PKNOX2: variants seen among roughly 807,000 people sequenced by gnomAD.
The protein encoded by PKNOX2 is PBX/knotted 1 homeobox 2.
A neutral mutation model predicts 53.1 loss-of-function variants in PKNOX2; 14 were observed. That is an observed-to-expected ratio of 0.26 (90% CI 0.17 to 0.41). The LOEUF (loss-of-function observed/expected upper bound fraction) is 0.41. Among genes scored for constraint, PKNOX2 ranks in the 10% least tolerant of loss-of-function variants. PKNOX2 has a pLI of 1.00. For missense variants in PKNOX2, 496 were observed against 602.8 expected, an observed-to-expected ratio of 0.82 and a Z score of 1.85; for synonymous variants, 257 against 242.8, an observed-to-expected ratio of 1.06 and a Z score of -0.54.
chr11:125,233,745 C>T (rs1295551591), intron 1 of PKNOX2, among the ~76,000 whole-genome samples: 1 of 152,242 alleles, frequency 6.6e-6, no homozygotes, highest in African/African-American at 2.4e-5. Flanking sequence ...CATCTCACTA[C>T]ACCCCATGCC....
At chr11:125,246,733 T>A (rs1004137970) in intron 2 of PKNOX2, among the ~76,000 whole-genome samples, 2 of 152,202 alleles carry the variant, frequency 1.3e-5, no homozygotes, top group Admixed American at 1.3e-4. Context: ...TGACCCTAGA[T>A]GGGGACTCAA....
At chr11:125,406,597 T>C (rs1019104559) in intron 7 of PKNOX2, among the ~76,000 whole-genome samples, 1 of 152,184 alleles carries the variant, frequency 6.6e-6, no homozygotes, top group Non-Finnish European at 1.5e-5. Flanking sequence ...CATTGGAGCC[T>C]GTCTGACCCC....
chr11:125,333,504 T>A (rs769633175), intron 3 of PKNOX2, among the ~76,000 whole-genome samples: 3 of 151,666 alleles, frequency 2.0e-5, no homozygotes, highest in Non-Finnish European at 4.4e-5. Context: ...ACCTCAAATA[T>A]CACCCCTGAC....
intron 1 of PKNOX2, among the ~76,000 whole-genome samples, chr11:125,174,178 C>T (rs12280086): frequency 1.7e-3 from 258 of 152,238 alleles, no homozygotes; most frequent in African/African-American, 6.0e-3. Context: ...GGGAGACAGA[C>T]GCCCAGAGAG....
rs1172216623 is a variant in PKNOX2 at position 125,166,316 on chromosome 11, A to G, written c.-201+1540A>G. Among the ~76,000 whole-genome samples the G allele has an allele frequency of 2.0e-5, 3 of 152,130 alleles. No individual in the cohort carries two copies. The highest frequency in any genetic ancestry group is 4.4e-5 in the Non-Finnish European group (3 of 68,016). On this transcript the variant is annotated intron_variant, in intron 1 of 12. Transcript: ENST00000298282. The surrounding 1 kb of genome is among the most constrained non-coding windows in gnomAD (Gnocchi z 4.0). ...GAAAAAGCGTTTAGGTAGGCGATGAAAGTAGTTGATCTGAGCCATGGCAGG... is the reference window on the plus strand; with the variant it reads ...GAAAAAGCGTTTAGGTAGGCGATGAGAGTAGTTGATCTGAGCCATGGCAGG...
At chr11:125,360,806 C>T (rs573418962) in intron 4 of PKNOX2, among the ~76,000 whole-genome samples, 32 of 152,316 alleles carry the variant, frequency 2.1e-4, no homozygotes, top group African/African-American at 7.5e-4. Context: ...AGCTACTTTG[C>T]ATATAATTGT....
rs143501987 is a variant in PKNOX2 at position 125,215,388 on chromosome 11, A to G, written c.-200-19657A>G. Among the ~76,000 whole-genome samples, 1,517 of 152,068 alleles carry G rather than the reference A, an allele frequency of 1.0e-2. 32 individuals are homozygous for G. Among genetic ancestry groups the G allele is most frequent in the African/African-American group, 0.034 (1,429 of 41,484 alleles). On this transcript the variant is annotated intron_variant, in intron 1 of 12. Transcript: ENST00000298282. ...GATCCCTTCGTGCCTTACTTTTCTC[A>G]CCTGTAAAACGAGCATAACTTGCCC...
At chr11:125,250,630 A>G (rs918118778) in intron 2 of PKNOX2, among the ~76,000 whole-genome samples, 4 of 152,210 alleles carry the variant, frequency 2.6e-5, no homozygotes, top group African/African-American at 9.6e-5. Flanking sequence ...TTTTATATCG[A>G]GGGTGTCTAG....
chr11:125,391,951 T>C (rs1276968061), intron 6 of PKNOX2, among the ~76,000 whole-genome samples: 1 of 152,214 alleles, frequency 6.6e-6, no homozygotes, highest in Non-Finnish European at 1.5e-5. Context: ...AAAAATAGTT[T>C]AATAAATCAG....
chr11:125,293,660 C>T (rs1373294641), intron 2 of PKNOX2, among the ~76,000 whole-genome samples: 1 of 152,160 alleles, frequency 6.6e-6, no homozygotes, highest in Non-Finnish European at 1.5e-5. Flanking sequence ...TCTTTAAACT[C>T]AGGGAAGAAT....
chr11:125,303,766 A>T lies in PKNOX2; in HGVS notation c.-129-28053A>T, dbSNP rs80294853. ...AGAGGGACAGGCACTAGAAAGTGAC[A>T]TAAAAAAAGAGGGCACTCCCCCTTA... On this transcript the variant is annotated intron_variant, in intron 2 of 12. Transcript: ENST00000298282. Among the ~76,000 whole-genome samples, 161 of 152,342 alleles carry T rather than the reference A, an allele frequency of 1.1e-3. 1 individual carries two copies. Among genetic ancestry groups the T allele is most frequent in the African/African-American group, 3.7e-3 (154 of 41,582 alleles).
chr11:125,250,214 C>G (rs1943892787), intron 2 of PKNOX2, among the ~76,000 whole-genome samples: 1 of 152,038 alleles, frequency 6.6e-6, no homozygotes, highest in African/African-American at 2.4e-5. Flanking sequence ...CCATGCCCAG[C>G]TTGGGGTGAT....
At chr11:125,381,867 A>G (rs894946654) in intron 5 of PKNOX2, among the ~76,000 whole-genome samples, 22 of 152,144 alleles carry the variant, frequency 1.4e-4, no homozygotes, top group African/African-American at 5.3e-4. Context: ...TTGCGTGACT[A>G]CGTCTCATCA....
chr11:125,402,712 G>C (rs1319374148), intron 7 of PKNOX2, among the ~76,000 whole-genome samples: 1 of 152,146 alleles, frequency 6.6e-6, no homozygotes, highest in Non-Finnish European at 1.5e-5. Flanking sequence ...AAAGAGATGG[G>C]GAGAGGAGCT....
intron 2 of PKNOX2, among the ~76,000 whole-genome samples, chr11:125,294,764 T>C (rs2135928078): frequency 6.6e-6 from 1 of 152,244 alleles, no homozygotes; most frequent in South Asian, 2.1e-4. Flanking sequence ...TACGAACAGG[T>C]TAATATCTAC....
chr11:125,338,965 C>T (rs923025780), intron 3 of PKNOX2, among the ~76,000 whole-genome samples: 1 of 152,156 alleles, frequency 6.6e-6, no homozygotes, highest in African/African-American at 2.4e-5. Flanking sequence ...AGCTTCACTG[C>T]GAGTTATAAT....
chr11:125,224,435 T>A (rs987095040), intron 1 of PKNOX2, among the ~76,000 whole-genome samples: 18 of 152,218 alleles, frequency 1.2e-4, no homozygotes, highest in African/African-American at 4.1e-4. Flanking sequence ...CAGATGGCCG[T>A]GCAGTCAGGG....
At chr11:125,336,958 T>C (rs1184630515) in intron 3 of PKNOX2, among the ~76,000 whole-genome samples, 1 of 149,368 alleles carries the variant, frequency 6.7e-6, no homozygotes, top group Non-Finnish European at 1.5e-5. Flanking sequence ...ATATGATATA[T>C]AGGATCTATA....
rs1244338005 is a variant in PKNOX2 at position 125,370,441 on chromosome 11, C to G, written c.227+2456C>G. On this transcript the variant is annotated intron_variant, in intron 5 of 12. Coordinates refer to ENST00000298282, the MANE Select transcript of PKNOX2 (RefSeq NM_001382323.2). The surrounding 1 kb of genome is among the most constrained non-coding windows in gnomAD (Gnocchi z 4.1). Reference sequence around the variant, plus strand: ...GGCCTAGACCTTTCTGCAATTAACACTTCTTCCTACTCCCCTTCCCTCCTG... The same window carrying G: ...GGCCTAGACCTTTCTGCAATTAACAGTTCTTCCTACTCCCCTTCCCTCCTG... Among the ~76,000 whole-genome samples, 1 of 152,340 alleles carries G rather than the reference C, an allele frequency of 6.6e-6. No homozygotes were observed. The highest frequency in any genetic ancestry group is 3.4e-3 in the Middle Eastern group (1 of 294).
Sources: allele counts gnomAD v4.1 joint callset (sites outside exome capture counted in the v4.1 genomes callset), GRCh38; gene constraint gnomAD v4.1.1; non-coding constraint Gnocchi (gnomAD v3.1); transcripts MANE v1.5; gene names NCBI Gene and HGNC (gene_info 2026-07-23, HGNC 2026-07-21).